Variants in SLC9A9 observed in about 807,000 individuals in gnomAD.
SLC9A9 encodes the protein solute carrier family 9 member A9, also known as sodium/hydrogen exchanger 9.
In SLC9A9, 62 loss-of-function variants were observed where a neutral mutation model predicts 77.8. That is an observed-to-expected ratio of 0.80 (90% CI 0.65 to 0.98). The LOEUF is 0.98. SLC9A9 is among the 50% of genes least tolerant of loss of function. The pLI is 0.00. For synonymous variants in SLC9A9, 320 were observed against 283.5 expected (o/e 1.13, Z -1.29); for missense variants, 775 against 774.9 (o/e 1.00, Z 0.00).
chr3:143,515,409 C>A (rs2036188678), intron 9 of SLC9A9, among the ~76,000 whole-genome samples: 1 of 152,120 alleles, frequency 6.6e-6, no homozygotes, highest in Admixed American at 6.5e-5. Flanking sequence ...CACAAAATTT[C>A]AATTTGTAAA....
At chr3:143,419,546 C>T (rs1466286981) in intron 12 of SLC9A9, among the ~76,000 whole-genome samples, 1 of 152,142 alleles carries the variant, frequency 6.6e-6, no homozygotes, top group African/African-American at 2.4e-5. Context: ...TTACGTTTAT[C>T]TCCCTCTTCC....
At chr3:143,577,532 AGT>A (rs1188316872) in intron 7 of SLC9A9, among the ~76,000 whole-genome samples, 1 of 152,224 alleles carries the variant, frequency 6.6e-6, no homozygotes, top group African/African-American at 2.4e-5. Context: ...GAGTGTTTAC[AGT>A]GTGATAACTT....
intron 4 of SLC9A9, among the ~76,000 whole-genome samples, chr3:143,734,665 C>A (rs1234684482): frequency 6.9e-6 from 1 of 144,420 alleles, no homozygotes; most frequent in Non-Finnish European, 1.5e-5. Context: ...ACCCAGGAGG[C>A]GGAGGTTGCA....
chr3:143,440,422 A>G (rs982164480), intron 12 of SLC9A9, among the ~76,000 whole-genome samples: 1 of 152,132 alleles, frequency 6.6e-6, no homozygotes, highest in Admixed American at 6.5e-5. Context: ...GTTACGGGGA[A>G]GACTAACGTG....
At chr3:143,718,389 T>A (rs770583560) in intron 4 of SLC9A9, among the ~76,000 whole-genome samples, 2 of 151,368 alleles carry the variant, frequency 1.3e-5, no homozygotes, top group Non-Finnish European at 2.9e-5. Context: ...GTTTCATGAT[T>A]TTTTTGAAAC....
At chr3:143,299,964 TTG>T (rs1329964019) in intron 14 of SLC9A9, among the ~76,000 whole-genome samples, 1 of 152,180 alleles carries the variant, frequency 6.6e-6, no homozygotes, top group Non-Finnish European at 1.5e-5. Context: ...AATGTATGAT[TTG>T]GAAAAAGCAT....
At chr3:143,511,078 C>T (rs555430691) in intron 9 of SLC9A9, among the ~76,000 whole-genome samples, 1 of 152,240 alleles carries the variant, frequency 6.6e-6, no homozygotes, top group Admixed American at 6.5e-5. Flanking sequence ...TGCAGAAGAT[C>T]GAGAAAAGAA....
intron 6 of SLC9A9, 63 bp from the exon 7 acceptor site, chr3:143,578,786 C>A: frequency 6.3e-7 from 1 of 1,598,578 alleles, no homozygotes; most frequent in South Asian, 1.1e-5. Flanking sequence ...GATAGGATTT[C>A]GCACCCACTT....
At chr3:143,409,839 C>G (rs1273646137) in intron 12 of SLC9A9, among the ~76,000 whole-genome samples, 1 of 152,072 alleles carries the variant, frequency 6.6e-6, no homozygotes, top group East Asian at 1.9e-4. Context: ...TTCCCAAGAT[C>G]GAAATTTCTT....
At chr3:143,287,396 GA>G (rs551815888) in intron 14 of SLC9A9, among the ~76,000 whole-genome samples, 31 of 149,590 alleles carry the variant, frequency 2.1e-4, no homozygotes, top group Non-Finnish European at 3.7e-4. Context: ...GACAAGAAGG[GA>G]AAAAAAAACA....
At chr3:143,694,526 C>T (rs183170758) in intron 4 of SLC9A9, among the ~76,000 whole-genome samples, 45 of 152,254 alleles carry the variant, frequency 3.0e-4, no homozygotes, top group Non-Finnish European at 5.4e-4. Context: ...GTAACATTTA[C>T]TTACCATTTC....
intron 8 of SLC9A9, among the ~76,000 whole-genome samples, chr3:143,566,435 G>A (rs1328794143): frequency 6.6e-6 from 1 of 152,058 alleles, no homozygotes; most frequent in Admixed American, 6.6e-5. Flanking sequence ...TAATGAATAG[G>A]CCAGAGTGTT....
chr3:143,739,219 G>A (rs1221002396), intron 4 of SLC9A9, among the ~76,000 whole-genome samples: 1 of 152,106 alleles, frequency 6.6e-6, no homozygotes, highest in Non-Finnish European at 1.5e-5. Context: ...TAGATGAAAG[G>A]GGATTGTTAT....
intron 6 of SLC9A9, among the ~76,000 whole-genome samples, chr3:143,609,337 G>A (rs890402175): frequency 1.5e-4 from 23 of 152,278 alleles, no homozygotes; most frequent in African/African-American, 2.9e-4. Context: ...ATGGAATAAC[G>A]ACAAGCTTGA....
At position 143,641,088 on chromosome 3, in the gene SLC9A9, G is replaced by A. The variant is rs894759963; in HGVS notation, c.755+11167C>T. ...TGTAAATCTGACAATATGAGAACAC[G>A]AGGATGTCAGAACAGAGTAAGAGAA... On this transcript the variant is annotated intron_variant, in intron 6 of 15. Coordinates refer to ENST00000316549, the MANE Select transcript of SLC9A9 (RefSeq NM_173653.4). 3.9e-5 allele frequency among the ~76,000 whole-genome samples: 6 copies of A among 152,062 alleles called. No homozygotes were observed. The East Asian group carries it at 5.8e-4, about 15-fold the overall frequency.
At chr3:143,454,001 A>G (rs200259549) in intron 12 of SLC9A9, among the ~76,000 whole-genome samples, 1 of 152,192 alleles carries the variant, frequency 6.6e-6, no homozygotes, top group East Asian at 1.9e-4. Context: ...TCCCCTCCAG[A>G]GAAGGCAGCA....
chr3:143,520,433 C>G (rs1323412615), intron 9 of SLC9A9, among the ~76,000 whole-genome samples: 1 of 152,178 alleles, frequency 6.6e-6, no homozygotes, highest in Non-Finnish European at 1.5e-5. Flanking sequence ...TCTACCAGCA[C>G]TTGGATCTTG....
rs563245417 is a variant in SLC9A9 at position 143,392,487 on chromosome 3, T to G, written c.1470-10373A>C. ...GAAAGGAACAACTGGTACCAGCCAC[T>G]GCAAAAACATGCCAAATTGTAAAGA... On this transcript the variant is annotated intron_variant, in intron 12 of 15. Coordinates refer to ENST00000316549, the MANE Select transcript of SLC9A9 (RefSeq NM_173653.4). Among the ~76,000 whole-genome samples the G allele has an allele frequency of 2.9e-3, 436 of 152,322 alleles. 2 individuals carry two copies. The highest frequency in any genetic ancestry group is 9.4e-3 in the Admixed American group (144 of 15,308).
chr3:143,312,801 G>T (rs1355508475), intron 14 of SLC9A9, among the ~76,000 whole-genome samples: 2 of 152,156 alleles, frequency 1.3e-5, no homozygotes, highest in Non-Finnish European at 2.9e-5. Flanking sequence ...CCCAGGTTTT[G>T]TCTCTTATAC....
Sources: allele counts gnomAD v4.1 joint callset (sites outside exome capture counted in the v4.1 genomes callset), GRCh38; gene constraint gnomAD v4.1.1; transcripts MANE v1.5; gene names NCBI Gene and HGNC (gene_info 2026-07-23, HGNC 2026-07-21).